The following PDE12 variants were observed in gnomAD, a reference collection of about 807,000 sequenced individuals.
The protein encoded by PDE12 is phosphodiesterase 12.
PDE12 carries 26 observed loss-of-function variants against 45.4 expected under a neutral mutation model. The ratio of observed to expected loss-of-function variants is 0.57; its 90% CI spans 0.42 to 0.79. The LOEUF (loss-of-function observed/expected upper bound fraction) is 0.79, where lower values mean the gene tolerates loss of function less well. Ranked by LOEUF, PDE12 falls within the 30% of genes least tolerant of loss-of-function variation. The pLI is 0.00. For synonymous variants in PDE12, 283 were observed against 323.9 expected (o/e 0.87, Z 1.36); for missense variants, 668 against 790.0 (o/e 0.85, Z 1.85).
chr3:57,614,511 C>T, the PDE12 span, among the ~76,000 whole-genome samples: 7 of 150,172 alleles, frequency 4.7e-5, no homozygotes, highest in South Asian at 2.1e-4. Flanking sequence ...CGGTGGCTCA[C>T]GCCTGTAATC....
At chr3:57,628,025 G>T in the PDE12 span, 1 of 677,028 alleles carries the variant, frequency 1.5e-6, no homozygotes, top group Non-Finnish European at 2.3e-6. Flanking sequence ...AACCACCACA[G>T]ATATCCACTT....
chr3:57,621,070 A>G, the PDE12 span, among the ~76,000 whole-genome samples: 1 of 152,196 alleles, frequency 6.6e-6, no homozygotes, highest in Non-Finnish European at 1.5e-5. Context: ...AGTTTCAACA[A>G]TAAAGCTACA....
the PDE12 span, among the ~76,000 whole-genome samples, chr3:57,639,542 T>A: frequency 6.6e-6 from 1 of 152,196 alleles, no homozygotes; most frequent in African/African-American, 2.4e-5. Context: ...AATTAAGATT[T>A]AAAAAAATTT....
In PDE12 at chr3:57,562,065, T is replaced by C. The variant is rs1372623157; in HGVS notation, c.*2061T>C. ...GATTCTCTTGTGAATTTTTTTTTCA[T>C]TTTAAAAATATGTTTTTGGGCTGTT... On this transcript the variant is annotated 3_prime_UTR_variant, in exon 3 of 3. Transcript: ENST00000311180. 1 of 981,976 alleles carries C rather than the reference T, an allele frequency of 1.0e-6. No individual in the cohort carries two copies. The highest frequency in any genetic ancestry group is 1.2e-6 in the Non-Finnish European group (1 of 826,912). 60.8% of individuals were successfully genotyped at this position (981,976 alleles called of 1,614,324 possible).
chr3:57,572,776 A>T, the PDE12 span, among the ~76,000 whole-genome samples: 1 of 152,136 alleles, frequency 6.6e-6, no homozygotes, highest in South Asian at 2.1e-4. Flanking sequence ...CCTTTTAGTA[A>T]ACTTTCTACC....
chr3:57,618,607 G>GTGTTT, the PDE12 span, among the ~76,000 whole-genome samples: 2 of 79,390 alleles, frequency 2.5e-5, no homozygotes, highest in South Asian at 5.9e-4. Flanking sequence ...TTGCTTTTGT[G>GTGTTT]TTTTTTTTTT....
the PDE12 span, among the ~76,000 whole-genome samples, chr3:57,604,760 G>C: frequency 6.6e-6 from 1 of 151,602 alleles, no homozygotes; most frequent in Non-Finnish European, 1.5e-5. Flanking sequence ...CTATAAGCAT[G>C]TGCCCCCATG....
At chr3:57,642,465 A>T in the PDE12 span, among the ~76,000 whole-genome samples, 2 of 152,106 alleles carry the variant, frequency 1.3e-5, no homozygotes, top group South Asian at 4.1e-4. Flanking sequence ...GAGAGGGAAG[A>T]GTGATGCAGA....
the PDE12 span, among the ~76,000 whole-genome samples, chr3:57,585,100 G>A: frequency 6.6e-6 from 1 of 152,144 alleles, no homozygotes; most frequent in Non-Finnish European, 1.5e-5. Context: ...CTGGCCTCAA[G>A]TGATCTGCCA....
chr3:57,616,120 G>A, the PDE12 span, among the ~76,000 whole-genome samples: 1 of 151,980 alleles, frequency 6.6e-6, no homozygotes, highest in Non-Finnish European at 1.5e-5. Flanking sequence ...CCCAGTAGTT[G>A]GAGAGCAGCC....
chr3:57,633,212 A>T, the PDE12 span: 38 of 1,442,314 alleles, frequency 2.6e-5, no homozygotes, highest in Admixed American at 6.9e-5. Context: ...AAAAACATTT[A>T]TATACCCTTC....
chr3:57,625,740 G>T, the PDE12 span: 1 of 152,362 alleles, frequency 6.6e-6, no homozygotes. Flanking sequence ...CAAGTACATA[G>T]TTTGAAATTA....
the PDE12 span, among the ~76,000 whole-genome samples, chr3:57,599,170 A>G: frequency 6.6e-6 from 1 of 152,214 alleles, no homozygotes; most frequent in Admixed American, 6.5e-5. Flanking sequence ...AAGCAAAGGC[A>G]GGAAGACTCT....
chr3:57,597,128 T>C, the PDE12 span: 33 of 1,613,810 alleles, frequency 2.0e-5, no homozygotes, highest in Admixed American at 5.0e-5. Flanking sequence ...AGGGAGGAGA[T>C]AGTGAGGCCC....
At chr3:57,594,911 C>A in the PDE12 span, among the ~76,000 whole-genome samples, 1 of 152,160 alleles carries the variant, frequency 6.6e-6, no homozygotes, top group Admixed American at 6.5e-5. Flanking sequence ...ACATATCTCC[C>A]TCGTACGTTG....
the PDE12 span, among the ~76,000 whole-genome samples, chr3:57,581,442 G>GTT: frequency 6.6e-6 from 1 of 152,150 alleles, no homozygotes; most frequent in African/African-American, 2.4e-5. Flanking sequence ...TAAACCCAGG[G>GTT]TTACCCTTGG....
chr3:57,582,983 G>A, the PDE12 span, among the ~76,000 whole-genome samples: 6 of 152,144 alleles, frequency 3.9e-5, no homozygotes, highest in Non-Finnish European at 5.9e-5. Context: ...GAGATTTTTG[G>A]CTGCTACTTG....
chr3:57,599,259 C>G, the PDE12 span, among the ~76,000 whole-genome samples: 2 of 152,158 alleles, frequency 1.3e-5, no homozygotes, highest in African/African-American at 2.4e-5. Context: ...ATTAGCCTCT[C>G]CAAAGGAGGC....
chr3:57,614,451 A>AT, the PDE12 span, among the ~76,000 whole-genome samples: 7 of 152,110 alleles, frequency 4.6e-5, no homozygotes, highest in African/African-American at 1.7e-4. Context: ...ACTCTTCTAA[A>AT]TAACTCCTGG....
Sources: gnomAD v4.1 joint callset for allele counts (sites outside exome capture counted in the v4.1 genomes callset) on GRCh38, gnomAD v4.1.1 for gene constraint, MANE v1.5 for transcripts, NCBI Gene and HGNC (gene_info 2026-07-23, HGNC 2026-07-21) for gene names.